The following NLK variants were observed in gnomAD, a reference collection of about 807,000 sequenced individuals.
NLK encodes nemo like kinase, also known as serine/threonine-protein kinase NLK.
A neutral mutation model predicts 59.0 loss-of-function variants in NLK; 11 were observed. The ratio of observed to expected loss-of-function variants is 0.19; its 90% CI spans 0.12 to 0.31. The LOEUF (loss-of-function observed/expected upper bound fraction) is 0.31, where lower values mean the gene tolerates loss of function less well. Among genes scored for constraint, NLK ranks in the 10% least tolerant of loss-of-function variants. The probability of loss-of-function intolerance (pLI) is 1.00; values close to 1 mark genes in which losing one functional copy is unlikely to be tolerated. For missense variants in NLK, 410 were observed against 661.1 expected (o/e 0.62, Z 4.16); for synonymous variants, 235 against 235.9 (o/e 1.00, Z 0.03).
At chr17:28,178,144 T>G (rs1234569245) in intron 7 of NLK, among the ~76,000 whole-genome samples, 2 of 152,170 alleles carry the variant, frequency 1.3e-5, no homozygotes, top group Non-Finnish European at 2.9e-5. Context: ...TTCTATATAA[T>G]AAAGTCAGAT....
chr17:28,148,957 TGTG>T (rs1907366380), intron 3 of NLK, among the ~76,000 whole-genome samples: 1 of 152,206 alleles, frequency 6.6e-6, no homozygotes, highest in African/African-American at 2.4e-5. Context: ...CTACTTGTGT[TGTG>T]GGGATTCATG....
chr17:28,204,891 C>G, the NLK span, among the ~76,000 whole-genome samples: 2 of 152,226 alleles, frequency 1.3e-5, no homozygotes, highest in Admixed American at 1.3e-4. Context: ...GGAAACTCAT[C>G]CAGTAAAGTT....
At chr17:28,174,531 ACTTTAAAGT>A (rs1230410998) in intron 7 of NLK, among the ~76,000 whole-genome samples, 1 of 152,196 alleles carries the variant, frequency 6.6e-6, no homozygotes, top group Non-Finnish European at 1.5e-5. Flanking sequence ...CTTTGCAGAG[ACTTTAAAGT>A]CTTTAAACGG....
chr17:28,110,652 C>A (rs1301497893), intron 1 of NLK, among the ~76,000 whole-genome samples: 1 of 152,042 alleles, frequency 6.6e-6, no homozygotes, highest in Non-Finnish European at 1.5e-5. Context: ...AGTGTTACTG[C>A]ATAGGTCTCT....
chr17:28,171,488 T>A (rs771796997), intron 6 of NLK: 25 of 152,236 alleles, frequency 1.6e-4, no homozygotes, highest in Non-Finnish European at 3.5e-4. Flanking sequence ...TTTATTGGTC[T>A]CTTTTATTGT....
At chr17:28,200,258 C>T (rs1909593009), downstream of NLK, among the ~76,000 whole-genome samples, 1 of 152,132 alleles carries the variant, frequency 6.6e-6, no homozygotes, top group Non-Finnish European at 1.5e-5. Context: ...AAGATTTTCT[C>T]CTACTTTTCT....
chr17:28,203,541 T>G, the NLK span, among the ~76,000 whole-genome samples: 1 of 152,096 alleles, frequency 6.6e-6, no homozygotes, highest in Non-Finnish European at 1.5e-5. Flanking sequence ...CTTTCTTTCT[T>G]TTTTTTATTT....
chr17:28,172,592 C>T lies in NLK; in HGVS notation c.1123C>T (p.His375Tyr). 2 of 1,583,786 alleles carry T rather than the reference C, an allele frequency of 1.3e-6. No individual in the cohort carries two copies. The highest frequency in any genetic ancestry group is 8.6e-7 in the Non-Finnish European group (1 of 1,165,568). Reference sequence around the variant, plus strand: ...GACAGCTTGTGAAGGCGCTAAGGCACATATACTCAGGGGTCCTCATAAACA... The same window carrying T: ...GACAGCTTGTGAAGGCGCTAAGGCATATATACTCAGGGGTCCTCATAAACA... ...MRTACEGAKA[H>Y]ILRGPHKQPS... The change falls in exon 7 of 11, where the codon CAT becomes TAT. Residue 375 changes from histidine (H) to tyrosine (Y), a missense_variant. By Grantham distance (83) the His-to-Tyr change is moderately conservative. Around this residue, in one of 5 missense-constraint regions of NLK, gnomAD observed 150 missense variants for 244.3 expected, o/e 0.61. Coordinates refer to ENST00000407008, the MANE Select transcript of NLK (RefSeq NM_016231.5).
chr17:28,075,812 T>C, intron 1 of NLK, among the ~76,000 whole-genome samples: 1 of 152,116 alleles, frequency 6.6e-6, no homozygotes, highest in East Asian at 1.9e-4. Flanking sequence ...CCTCAAACCC[T>C]TATTCCTCCT....
At chr17:28,107,171 C>A (rs533355487) in intron 1 of NLK, among the ~76,000 whole-genome samples, 1 of 152,026 alleles carries the variant, frequency 6.6e-6, no homozygotes, top group African/African-American at 2.4e-5. Context: ...CAGTGGCTCA[C>A]GCCTGTAATC....
chr17:28,075,356 T>G (rs1910130803), intron 1 of NLK, among the ~76,000 whole-genome samples: 1 of 152,212 alleles, frequency 6.6e-6, no homozygotes, highest in African/African-American at 2.4e-5. Flanking sequence ...CAAAGGCAAG[T>G]AATCATTAGG....
chr17:28,091,840 C>G (rs1456799783), intron 1 of NLK, among the ~76,000 whole-genome samples: 1 of 152,152 alleles, frequency 6.6e-6, no homozygotes, highest in Non-Finnish European at 1.5e-5. Context: ...GGGTAATGTT[C>G]CCTTCTTACT....
chr17:28,204,895 T>A, the NLK span, among the ~76,000 whole-genome samples: 1 of 152,226 alleles, frequency 6.6e-6, no homozygotes, highest in South Asian at 2.1e-4. Context: ...ACTCATCCAG[T>A]AAAGTTCAGC....
intron 1 of NLK, chr17:28,048,147 A>T (rs1266164615): frequency 1.3e-5 from 5 of 390,420 alleles, no homozygotes; most frequent in Non-Finnish European, 2.3e-5. Flanking sequence ...TTTGGAAATT[A>T]CAGGTTCATG....
At chr17:28,165,893 A>T (rs1459603180) in intron 5 of NLK, among the ~76,000 whole-genome samples, 10 of 152,178 alleles carry the variant, frequency 6.6e-5, no homozygotes, top group Admixed American at 1.3e-4. Flanking sequence ...CTCAAGAGTC[A>T]TGGCCAAGTA....
intron 5 of NLK, among the ~76,000 whole-genome samples, chr17:28,167,434 T>C (rs1346075720): frequency 1.3e-5 from 2 of 150,680 alleles, no homozygotes; most frequent in Non-Finnish European, 3.0e-5. Context: ...AGAGTTGAGA[T>C]CTTGTTATGT....
intron 1 of NLK, among the ~76,000 whole-genome samples, chr17:28,086,541 T>G (rs953001770): frequency 2.6e-5 from 4 of 152,336 alleles, no homozygotes; most frequent in Middle Eastern, 3.4e-3. Flanking sequence ...TTTTATAGTA[T>G]TATTGTTTTG....
rs34676938 is a variant in NLK, at chr17:28,194,922, CA to C, written c.*289del. The stretch of plus-strand genomic sequence containing the variant: ...ACCTCAGAACAAAAGAGAATTGAAC[CA>C]AATTTGGGAGTTTGGGGTTTTATGT... On this transcript the variant is annotated 3_prime_UTR_variant, in exon 11 of 11. Transcript: ENST00000407008. 6,136 of 287,702 alleles carry C rather than the reference CA, an allele frequency of 0.021. 113 individuals are homozygous for C. Among genetic ancestry groups the C allele is most frequent in the Non-Finnish European group, 0.028 (4,403 of 155,696 alleles). The allele number at this position is 287,702 out of a possible 1,614,324, so 17.8% of individuals were successfully genotyped here. A position where few individuals can be genotyped will look rare whatever the true frequency, so the allele number is the denominator to read the frequency against.
chr17:28,192,212 A>G lies in NLK; in HGVS notation c.1528A>G (p.Ser510Gly). 3 of 1,521,372 alleles carry G rather than the reference A, an allele frequency of 2.0e-6. No homozygotes were observed. The highest frequency in any genetic ancestry group is 2.7e-6 in the Non-Finnish European group (3 of 1,098,902). The allele number at this position is 1,521,372 out of a possible 1,614,324, so 94.2% of individuals were successfully genotyped here. ...PQSAAFKSFI[S>G]STVAQPSEMP... Reference sequence around the variant, plus strand: ...GTCTGCTGCTTTTAAGAGCTTTATTAGGTAACTATATGTATGTAATTCAAC... The same window carrying G: ...GTCTGCTGCTTTTAAGAGCTTTATTGGGTAACTATATGTATGTAATTCAAC... Residue 510 changes from serine (S) to glycine (G), a missense_variant and splice_region_variant, in exon 10 of 11, where the codon AGT becomes GGT. Physicochemically the swap from Ser to Gly is moderately conservative, Grantham distance 56. Around this residue, in one of 5 missense-constraint regions of NLK, gnomAD observed 25 missense variants for 29.7 expected, o/e 0.84. Coordinates refer to ENST00000407008, the MANE Select transcript of NLK (RefSeq NM_016231.5).
Sources: gnomAD v4.1 joint callset for allele counts (sites outside exome capture counted in the v4.1 genomes callset) on GRCh38, gnomAD v4.1.1 for gene constraint, gnomAD v4.1.1 regional missense constraint, MANE v1.5 for transcripts, NCBI Gene and HGNC (gene_info 2026-07-23, HGNC 2026-07-21) for gene names.